KIAA1549L: variants seen among roughly 807,000 people sequenced by gnomAD.
KIAA1549L encodes the protein KIAA1549 like, also known as UPF0606 protein KIAA1549L.
In KIAA1549L, 88 loss-of-function variants were observed where a neutral mutation model predicts 160.7. The observed-to-expected ratio is 0.55, with a 90% CI of 0.46 to 0.65. The LOEUF is 0.65. KIAA1549L is among the 30% of genes least tolerant of loss of function. The pLI, the probability that KIAA1549L is intolerant of heterozygous loss-of-function variation, is 0.00. For synonymous variants in KIAA1549L, 950 were observed against 976.7 expected (o/e 0.97, Z 0.51); for missense variants, 2,258 against 2,437.5 (o/e 0.93, Z 1.55).
At chr11:33,557,108 C>A (rs1288644701) in intron 6 of KIAA1549L, among the ~76,000 whole-genome samples, 1 of 152,106 alleles carries the variant, frequency 6.6e-6, no homozygotes, top group Non-Finnish European at 1.5e-5. Flanking sequence ...CTGCCTCAGC[C>A]TCCCAAGCAG....
intron 1 of KIAA1549L, among the ~76,000 whole-genome samples, chr11:33,409,534 C>CT (rs1850744235): frequency 6.6e-6 from 1 of 152,202 alleles, no homozygotes. Context: ...ATGTCACACA[C>CT]TGTGGATTGT....
chr11:33,487,402 CTTTTTT>C (rs112165825), intron 1 of KIAA1549L, among the ~76,000 whole-genome samples: 2 of 85,554 alleles, frequency 2.3e-5, no homozygotes, highest in African/African-American at 4.6e-5. Context: ...GTCTATTGTT[CTTTTTT>C]TTTTTTTTTT....
chr11:33,612,936 G>T (rs1299547822), intron 15 of KIAA1549L, among the ~76,000 whole-genome samples: 1 of 152,100 alleles, frequency 6.6e-6, no homozygotes, highest in African/African-American at 2.4e-5. Context: ...ACATGATCTT[G>T]TTCTTTATTA....
rs544653579 is a variant in KIAA1549L at position 33,596,852 on chromosome 11, T to C, written c.4752-1968T>C. On this transcript the variant is annotated intron_variant, in intron 12 of 20. Coordinates refer to ENST00000658780, the MANE Select transcript of KIAA1549L (RefSeq NM_012194.3). ...AAGCCTTTTGTACCAGTGCCGCCAG[T>C]TGGGAGAGTAGGTGCCATTCACCAG... 5.9e-5 allele frequency among the ~76,000 whole-genome samples: 9 copies of C among 152,208 alleles called. No individual in the cohort carries two copies. In the East Asian group the frequency reaches 1.7e-3, roughly 29 times the overall value.
intron 1 of KIAA1549L, among the ~76,000 whole-genome samples, chr11:33,491,166 C>T (rs2133067033): frequency 6.6e-6 from 1 of 152,236 alleles, no homozygotes; most frequent in East Asian, 1.9e-4. Context: ...GTGTTTTAAA[C>T]AGATGACTAA....
intron 1 of KIAA1549L, among the ~76,000 whole-genome samples, chr11:33,399,827 A>G (rs1850462225): frequency 6.6e-6 from 1 of 152,172 alleles, no homozygotes; most frequent in Non-Finnish European, 1.5e-5. Context: ...GAAGATGAAG[A>G]AGATAGGAGG....
chr11:33,630,562 CCTTT>C (rs1851255125), intron 16 of KIAA1549L, among the ~76,000 whole-genome samples: 1 of 152,228 alleles, frequency 6.6e-6, no homozygotes, highest in African/African-American at 2.4e-5. Context: ...GTTTGTCACC[CCTTT>C]CTTTGACTAG....
chr11:33,600,001 T>A (rs1441112142), intron 13 of KIAA1549L, among the ~76,000 whole-genome samples: 1 of 152,282 alleles, frequency 6.6e-6, no homozygotes, highest in African/African-American at 2.4e-5. Flanking sequence ...ACTTTTATTT[T>A]TTTTTTCCGA....
intron 1 of KIAA1549L, among the ~76,000 whole-genome samples, chr11:33,514,288 A>G (rs916178573): frequency 5.3e-5 from 8 of 152,242 alleles, no homozygotes; most frequent in South Asian, 4.1e-4. Flanking sequence ...GTCATTGAAA[A>G]ACACTGAAAC....
chr11:33,441,006 G>A (rs931989182), intron 1 of KIAA1549L, among the ~76,000 whole-genome samples: 2 of 151,794 alleles, frequency 1.3e-5, no homozygotes, highest in African/African-American at 4.8e-5. Flanking sequence ...TGCCATGTTG[G>A]TGTGCTACAC....
At chr11:33,562,738 A>G (rs1854909391) in intron 8 of KIAA1549L, among the ~76,000 whole-genome samples, 1 of 145,616 alleles carries the variant, frequency 6.9e-6, no homozygotes, top group Admixed American at 7.0e-5. Flanking sequence ...GAGTGCAATG[A>G]CGCGGTCTCG....
chr11:33,474,006 A>G (rs1056484404), intron 1 of KIAA1549L, among the ~76,000 whole-genome samples: 3 of 152,136 alleles, frequency 2.0e-5, no homozygotes, highest in African/African-American at 7.2e-5. Flanking sequence ...GGAGGAAGGG[A>G]AAGTGCACCA....
At chr11:33,641,853 A>G (rs1851596370) in intron 16 of KIAA1549L, among the ~76,000 whole-genome samples, 1 of 151,896 alleles carries the variant, frequency 6.6e-6, no homozygotes, top group South Asian at 2.1e-4. Context: ...CTGTTAATAA[A>G]TATTAGCTGC....
chr11:33,549,168 G>C (rs1488642846), intron 4 of KIAA1549L, among the ~76,000 whole-genome samples: 1 of 151,060 alleles, frequency 6.6e-6, no homozygotes, highest in African/African-American at 2.4e-5. Context: ...TATGGATTCT[G>C]TTTTAAAAAC....
chr11:33,413,374 G>C (rs1016281002), intron 1 of KIAA1549L, among the ~76,000 whole-genome samples: 5 of 150,094 alleles, frequency 3.3e-5, no homozygotes, highest in Admixed American at 3.3e-4. Flanking sequence ...GGAGTTCAAA[G>C]CTGCAGTGAG....
chr11:33,530,436 A>AATATATAT (rs869093534), intron 1 of KIAA1549L, among the ~76,000 whole-genome samples: 84 of 11,718 alleles, frequency 7.2e-3, no homozygotes, highest in Non-Finnish European at 9.9e-3. Context: ...AAAAAAAAAA[A>AATATATAT]ATATATATAT....
At position 33,509,673 on chromosome 11, in the gene KIAA1549L, C is replaced by T. The variant is rs970204496; in HGVS notation, c.239-32129C>T. Among the ~76,000 whole-genome samples, 6 of 152,332 alleles carry T rather than the reference C, an allele frequency of 3.9e-5. No homozygotes were observed. In the South Asian group the frequency reaches 1.2e-3, roughly 32 times the overall value. ...ATGATTTAGAGCCTTAGCTGATCTGCATAATCCATTAAAATGTCACTTTTT... is the reference window on the plus strand; with the variant it reads ...ATGATTTAGAGCCTTAGCTGATCTGTATAATCCATTAAAATGTCACTTTTT... On this transcript the variant is annotated intron_variant, in intron 1 of 20. Transcript: ENST00000658780.
Position 33,574,691 on chromosome 11 carries a change from T to A in KIAA1549L, c.4231-11T>A, listed in dbSNP as rs765346310. The A allele has an allele frequency of 8.8e-6, 14 of 1,587,372 alleles. No individual in the cohort carries two copies. The highest frequency in any genetic ancestry group is 1.2e-5 in the Non-Finnish European group (14 of 1,158,410). ...TGCCCTGCAAACACTCGGCCTCTCT[T>A]TTTCCGAAAGATGGTGAAGATGCAG... is the stretch of plus-strand genomic sequence containing the variant. On this transcript the variant is annotated splice_polypyrimidine_tract_variant and intron_variant, in intron 9 of 20. Transcript: ENST00000658780.
intron 1 of KIAA1549L, among the ~76,000 whole-genome samples, chr11:33,462,846 T>C (rs1851969635): frequency 6.6e-6 from 1 of 152,078 alleles, no homozygotes; most frequent in Admixed American, 6.6e-5. Context: ...TCTCTCTCTC[T>C]CTTTTTTTGG....
Sources: gnomAD v4.1 joint callset for allele counts (sites outside exome capture counted in the v4.1 genomes callset) on GRCh38, gnomAD v4.1.1 for gene constraint, MANE v1.5 for transcripts, NCBI Gene and HGNC (gene_info 2026-07-23, HGNC 2026-07-21) for gene names.